Variants in ADGRL1 observed in about 807,000 individuals in gnomAD.
The protein encoded by ADGRL1 is adhesion G protein-coupled receptor L1, also known as CIRL-1.
ADGRL1 carries 31 observed loss-of-function variants against 148.9 expected under a neutral mutation model. The ratio of observed to expected loss-of-function variants is 0.21; its 90% CI spans 0.16 to 0.28. ADGRL1 has a LOEUF of 0.28. Ranked by LOEUF, ADGRL1 falls within the 10% of genes least tolerant of loss-of-function variation. ADGRL1 has a pLI of 1.00. For missense variants in ADGRL1, 1,521 were observed against 2,058.8 expected, an observed-to-expected ratio of 0.74 and a Z score of 5.05; for synonymous variants, 937 against 900.3, an observed-to-expected ratio of 1.04 and a Z score of -0.73.
chr19:14,152,832 G>C lies in ADGRL1; in HGVS notation c.3375C>G (p.Leu1125=). The C allele has an allele frequency of 6.2e-7, 1 of 1,614,212 alleles. No individual in the cohort carries two copies. The highest frequency in any genetic ancestry group is 8.5e-7 in the Non-Finnish European group (1 of 1,180,038). ...RSPPGGTHGS[L]KTSAMRSNTR... is the part of the protein sequence containing the mutation. ...TGTTGCTTCGCATGGCTGAGGTCTTGAGGGATCCGTGAGTGCCCCCGGGTG... is the reference window on the plus strand; with the variant it reads ...TGTTGCTTCGCATGGCTGAGGTCTTCAGGGATCCGTGAGTGCCCCCGGGTG... The change falls in exon 19 of 23, where the codon CTC becomes CTG. Residue 1125 remains leucine (L), a synonymous_variant. Coordinates refer to ENST00000361434, the MANE Select transcript of ADGRL1 (RefSeq NM_014921.5). This position sits in a 1 kb window ranked among gnomAD's most constrained non-coding sequence, Gnocchi z 6.1.
At chr19:14,188,301 G>T (rs768369923) in intron 1 of ADGRL1, among the ~76,000 whole-genome samples, 4 of 152,042 alleles carry the variant, frequency 2.6e-5, no homozygotes, top group African/African-American at 9.7e-5. Flanking sequence ...ACACGTACAC[G>T]CTGGGCCAAT....
chr19:14,170,833 C>T (rs747937841), intron 3 of ADGRL1, 42 bp from the exon 4 acceptor site: 41 of 427,508 alleles, frequency 9.6e-5, no homozygotes, highest in Non-Finnish European at 1.2e-4. Context: ...AACACATAGA[C>T]GGGGTGGCGG....
At chr19:14,204,657 G>A (rs1333391208) in intron 1 of ADGRL1, among the ~76,000 whole-genome samples, 1 of 151,560 alleles carries the variant, frequency 6.6e-6, no homozygotes, top group African/African-American at 2.4e-5. Flanking sequence ...AGGGAGCCGG[G>A]CAAGCAGAGA....
intron 1 of ADGRL1, among the ~76,000 whole-genome samples, chr19:14,198,418 C>G (rs1972403166): frequency 6.6e-6 from 1 of 152,168 alleles, no homozygotes; most frequent in Admixed American, 6.5e-5. Context: ...AGCCAGAAAC[C>G]TGAAGCTTCC....
In ADGRL1 at chr19:14,163,425, AG is replaced by A; in HGVS notation, c.395-20del. On this transcript the variant is annotated intron_variant, in intron 4 of 22. Transcript: ENST00000361434. ...ACGAAGACTGGGCAGAGTGGGCGGG[AG>A]GGGAGGAGGTAGGAGAGAAGGGGCA... is the stretch of plus-strand genomic sequence containing the variant. 3 of 1,383,200 alleles carry A rather than the reference AG, an allele frequency of 2.2e-6. No homozygotes were observed. The highest frequency in any genetic ancestry group is 5.9e-5 in the East Asian group (2 of 34,174). The allele number at this position is 1,383,200 out of a possible 1,614,324, so 85.7% of individuals were successfully genotyped here. A position where few individuals can be genotyped will look rare whatever the true frequency, so the allele number is the denominator to read the frequency against.
At chr19:14,165,641 C>G (rs1393373589) in intron 4 of ADGRL1, among the ~76,000 whole-genome samples, 1 of 149,896 alleles carries the variant, frequency 6.7e-6, no homozygotes, top group Admixed American at 6.6e-5. Flanking sequence ...GCATCCAAAC[C>G]AGTGGGCCTG....
At chr19:14,166,923 G>C (rs1970029293) in intron 4 of ADGRL1, 1 of 1,322,026 alleles carries the variant, frequency 7.6e-7, no homozygotes, top group Non-Finnish European at 1.1e-6. Context: ...GTTGGGGAGA[G>C]AAGAAGGGGC....
At chr19:14,178,379 C>T (rs192020494) in intron 2 of ADGRL1, among the ~76,000 whole-genome samples, 1 of 152,092 alleles carries the variant, frequency 6.6e-6, no homozygotes, top group Non-Finnish European at 1.5e-5. Flanking sequence ...GTGGCACACA[C>T]CTGTAGTCCC....
chr19:14,177,395 C>T, intron 3 of ADGRL1, 136 bp downstream of exon 3: 1 of 804,128 alleles, frequency 1.2e-6, no homozygotes, highest in Non-Finnish European at 2.1e-6. Flanking sequence ...TGCATGGGGC[C>T]CAGCACCTAT....
intron 1 of ADGRL1, among the ~76,000 whole-genome samples, chr19:14,188,165 C>T (rs1971704314): frequency 6.6e-6 from 1 of 152,154 alleles, no homozygotes; most frequent in South Asian, 2.1e-4. Flanking sequence ...GCAGCGAATC[C>T]ACATGGGTCT....
Position 14,160,605 on chromosome 19 carries a change from C to T in ADGRL1, c.1602G>A (p.Gln534=). The T allele has an allele frequency of 2.5e-6, 4 of 1,608,116 alleles. No homozygotes were observed. Among genetic ancestry groups the T allele is most frequent in the Non-Finnish European group, 3.4e-6 (4 of 1,177,428 alleles). ...TGGTGGCTGGTACCTTCTGGGCCACCTGGTTGACCCAGGGGGAGGTGCAGT... is the reference window on the plus strand; with the variant it reads ...TGGTGGCTGGTACCTTCTGGGCCACTTGGTTGACCCAGGGGGAGGTGCAGT... ...LSNCTSPWVN[Q]VAQKIKSGEN... Residue 534 remains glutamine (Q), a synonymous_variant, in exon 7 of 23, where the codon CAG becomes CAA. Coordinates refer to ENST00000361434, the MANE Select transcript of ADGRL1 (RefSeq NM_014921.5). This position sits in a 1 kb window ranked among gnomAD's most constrained non-coding sequence, Gnocchi z 5.9.
chr19:14,193,107 C>T (rs866032281), intron 1 of ADGRL1, among the ~76,000 whole-genome samples: 6 of 151,980 alleles, frequency 3.9e-5, no homozygotes, highest in African/African-American at 1.5e-4. Flanking sequence ...TCCCCAGGAG[C>T]ACGACGCCCT....
In ADGRL1 at chr19:14,152,063, C is replaced by T. The variant is rs550998180; in HGVS notation, c.3667+70G>A. ...CCCGAGTTCTCCTCCTTAAGTGAGGCCGTCTGAGAAGGCCACTGTCTGTCC... is the reference window on the plus strand; with the variant it reads ...CCCGAGTTCTCCTCCTTAAGTGAGGTCGTCTGAGAAGGCCACTGTCTGTCC... On this transcript the variant is annotated intron_variant, in intron 22 of 22. Coordinates refer to ENST00000361434, the MANE Select transcript of ADGRL1 (RefSeq NM_014921.5). The surrounding 1 kb of genome is among the most constrained non-coding windows in gnomAD (Gnocchi z 6.1). The T allele has an allele frequency of 9.0e-6, 13 of 1,446,266 alleles. 1 individual carries two copies. The Admixed American group carries it at 2.2e-4, about 24-fold the overall frequency. The allele number at this position is 1,446,266 out of a possible 1,614,324, so 89.6% of individuals were successfully genotyped here. A position where few individuals can be genotyped will look rare whatever the true frequency, so the allele number is the denominator to read the frequency against.
chr19:14,184,584 C>T (rs1368693599), intron 1 of ADGRL1, among the ~76,000 whole-genome samples: 1 of 151,160 alleles, frequency 6.6e-6, no homozygotes, highest in Non-Finnish European at 1.5e-5. Context: ...AGGCTTGCAC[C>T]ACTACCACCA....
rs1969590176 is a variant in ADGRL1 at position 14,163,258 on chromosome 19, T to C, written c.543A>G (p.Thr181=). 2 of 1,613,484 alleles carry C rather than the reference T, an allele frequency of 1.2e-6. No individual in the cohort carries two copies. Among genetic ancestry groups the C allele is most frequent in the Non-Finnish European group, 8.5e-7 (1 of 1,179,996 alleles). Reference sequence around the variant, plus strand: ...CCTCCCACGAGGCATACTCAGTCAGTGTGTCCGTGCGGTAGGGGATCCAGG... The same window carrying C: ...CCTCCCACGAGGCATACTCAGTCAGCGTGTCCGTGCGGTAGGGGATCCAGG... ...VMPWIPYRTD[T]LTEYASWEDY... is the part of the protein sequence containing the mutation. Residue 181 remains threonine, a synonymous_variant, in exon 5 of 23, where the codon ACA becomes ACG. Coordinates refer to ENST00000361434, the MANE Select transcript of ADGRL1 (RefSeq NM_014921.5).
intron 2 of ADGRL1, among the ~76,000 whole-genome samples, chr19:14,178,120 CATT>C (rs952274823): frequency 1.3e-5 from 2 of 152,110 alleles, no homozygotes; most frequent in Non-Finnish European, 2.9e-5. Context: ...GAAAATGTGA[CATT>C]ATTTGGAGAT....
chr19:14,151,944 C>G (rs189567850), intron 22 of ADGRL1, among the ~76,000 whole-genome samples, 189 bp downstream of exon 22: 8 of 152,298 alleles, frequency 5.3e-5, no homozygotes, highest in Admixed American at 5.2e-4. Context: ...CAGCACTTAA[C>G]AGCCCAAACT....
At position 14,152,479 on chromosome 19, in the gene ADGRL1, C is replaced by T. The variant is rs769339927; in HGVS notation, c.3520+38G>A. 6.2e-7 allele frequency: 1 copy of T among 1,611,002 alleles called. No homozygotes were observed. The highest frequency in any genetic ancestry group is 1.1e-5 in the South Asian group (1 of 90,992). On this transcript the variant is annotated intron_variant, in intron 20 of 22. Transcript: ENST00000361434. This position sits in a 1 kb window ranked among gnomAD's most constrained non-coding sequence, Gnocchi z 6.1. ...AGGTCACAAGGCAGCCGGGAGCCTC[C>T]AGAGACTGAAGCCAGAGGCAGAAGG...
intron 2 of ADGRL1, 98 bp from the exon 3 acceptor site, chr19:14,177,842 G>T: frequency 9.0e-7 from 1 of 1,111,382 alleles, no homozygotes; most frequent in Non-Finnish European, 1.3e-6. Flanking sequence ...GCTCGGCTGT[G>T]TCCTGGAAGC....
Sources: allele counts gnomAD v4.1 joint callset (sites outside exome capture counted in the v4.1 genomes callset), GRCh38; gene constraint gnomAD v4.1.1; non-coding constraint Gnocchi (gnomAD v3.1); transcripts MANE v1.5; gene names NCBI Gene and HGNC (gene_info 2026-07-23, HGNC 2026-07-21).